PDE4D: variants seen among roughly 807,000 people sequenced by gnomAD.
PDE4D encodes 3',5'-cyclic-AMP phosphodiesterase 4D.
PDE4D carries 24 observed loss-of-function variants against 87.4 expected under a neutral mutation model. The ratio of observed to expected loss-of-function variants is 0.27; its 90% CI spans 0.20 to 0.39. The LOEUF is 0.39. Among genes scored for constraint, PDE4D ranks in the 10% least tolerant of loss-of-function variants. The pLI is 1.00. For synonymous variants in PDE4D, 384 were observed against 383.2 expected, an observed-to-expected ratio of 1.00 and a Z score of -0.02; for missense variants, 714 against 1,041.0, an observed-to-expected ratio of 0.69 and a Z score of 4.32.
Position 58,993,306 on chromosome 5 carries a change from C to G in PDE4D, c.1015+66G>C, listed in dbSNP as rs1052248885. On this transcript the variant is annotated intron_variant, in intron 7 of 14. Coordinates refer to ENST00000340635, the MANE Select transcript of PDE4D (RefSeq NM_001104631.2). The stretch of plus-strand genomic sequence containing the variant: ...TTCCAAAATGAGTTGGCACCCCAAT[C>G]CTCCTACAAAAACAAACAAGCAAAC... 6 of 884,856 alleles carry G rather than the reference C, an allele frequency of 6.8e-6. No individual in the cohort carries two copies. In the Admixed American group the frequency reaches 1.3e-4, roughly 20 times the overall value. The allele number at this position is 884,856 out of a possible 1,614,324, so 54.8% of individuals were successfully genotyped here. A position where few individuals can be genotyped will look rare whatever the true frequency, so the allele number is the denominator to read the frequency against.
chr5:60,447,595 C>T (rs959504551), intron 1 of PDE4D, among the ~76,000 whole-genome samples: 10 of 151,618 alleles, frequency 6.6e-5, no homozygotes, highest in Admixed American at 1.3e-4. Context: ...GTGTGTTTAA[C>T]AAGGGAAGTT....
intron 5 of PDE4D, among the ~76,000 whole-genome samples, chr5:59,096,015 G>C (rs1580772901): frequency 6.6e-6 from 1 of 152,106 alleles, no homozygotes; most frequent in Admixed American, 6.6e-5. Flanking sequence ...TAGTTAAGCT[G>C]GTTACTGTGG....
chr5:59,137,516 G>A (rs1027834331), intron 5 of PDE4D, among the ~76,000 whole-genome samples: 1 of 149,878 alleles, frequency 6.7e-6, no homozygotes, highest in South Asian at 2.1e-4. Context: ...ATTTTAAGAG[G>A]GAAAGTTTCT....
At chr5:60,278,812 G>A (rs1390078630) in intron 1 of PDE4D, among the ~76,000 whole-genome samples, 1 of 151,862 alleles carries the variant, frequency 6.6e-6, no homozygotes, top group Non-Finnish European at 1.5e-5. Flanking sequence ...CATTCTAAAG[G>A]TGTTCAGATT....
At chr5:59,469,926 A>G (rs1802190699) in intron 1 of PDE4D, among the ~76,000 whole-genome samples, 1 of 152,148 alleles carries the variant, frequency 6.6e-6, no homozygotes, top group Non-Finnish European at 1.5e-5. Flanking sequence ...AAGAAGCACA[A>G]AAAGGCATTG....
chr5:59,214,932 T>A (rs1358483089), intron 2 of PDE4D, among the ~76,000 whole-genome samples: 1 of 152,144 alleles, frequency 6.6e-6, no homozygotes, highest in Non-Finnish European at 1.5e-5. Context: ...TTGCAGCCTG[T>A]TATGAGTTTT....
rs553549942 is a variant in PDE4D, at chr5:59,746,959, G to A, written c.455+146209C>T. 6.4e-4 allele frequency among the ~76,000 whole-genome samples: 97 copies of A among 152,132 alleles called. 2 individuals are homozygous for A. The South Asian group carries it at 7.1e-3, about 11-fold the overall frequency. Reference sequence around the variant, plus strand: ...TCCCCTCCTAATCCAGTTTTCTACTGACCTAAAGGTCTCTCCTCTCAGTCT... The same window carrying A: ...TCCCCTCCTAATCCAGTTTTCTACTAACCTAAAGGTCTCTCCTCTCAGTCT... On this transcript the variant is annotated intron_variant, in intron 1 of 14. Transcript: ENST00000340635.
chr5:59,552,581 A>G (rs1286750742), intron 1 of PDE4D, among the ~76,000 whole-genome samples: 1 of 152,212 alleles, frequency 6.6e-6, no homozygotes, highest in Non-Finnish European at 1.5e-5. Context: ...CACCATTGAA[A>G]TAAACACTAT....
intron 2 of PDE4D, among the ~76,000 whole-genome samples, chr5:60,067,270 G>A (rs904343085): frequency 1.3e-5 from 2 of 152,184 alleles, no homozygotes; most frequent in East Asian, 3.9e-4. Context: ...TGGTAGATGA[G>A]AACAGTAGGA....
intron 1 of PDE4D, chr5:60,431,097 C>A (rs1199806219): frequency 4.3e-6 from 1 of 234,516 alleles, no homozygotes; most frequent in South Asian, 4.3e-5. Flanking sequence ...CAGAGGGGCT[C>A]CTCACTTCCC....
chr5:59,023,652 T>C (rs80031435), intron 6 of PDE4D, among the ~76,000 whole-genome samples: 10,872 of 152,036 alleles, frequency 0.072, 449 homozygotes, highest in Non-Finnish European at 0.093. Context: ...TGAGAACTTG[T>C]CTCCAAAAAC....
intron 1 of PDE4D, among the ~76,000 whole-genome samples, chr5:60,292,440 C>T (rs775600675): frequency 6.6e-6 from 1 of 152,146 alleles, no homozygotes; most frequent in African/African-American, 2.4e-5. Flanking sequence ...TTCTTTTGTA[C>T]TTAGCTCTGC....
intron 1 of PDE4D, among the ~76,000 whole-genome samples, chr5:59,576,505 T>C (rs868502305): frequency 1.6e-4 from 25 of 152,274 alleles, no homozygotes; most frequent in Admixed American, 4.6e-4. Flanking sequence ...ATAATTTTTA[T>C]TTATCATTCT....
At chr5:59,299,357 A>C (rs1165596085) in intron 1 of PDE4D, among the ~76,000 whole-genome samples, 1 of 152,148 alleles carries the variant, frequency 6.6e-6, no homozygotes, top group African/African-American at 2.4e-5. Flanking sequence ...AACAATGGGG[A>C]CTGAGCTCCT....
At chr5:59,307,626 G>T (rs1321961769) in intron 1 of PDE4D, among the ~76,000 whole-genome samples, 1 of 151,020 alleles carries the variant, frequency 6.6e-6, no homozygotes, top group Non-Finnish European at 1.5e-5. Flanking sequence ...ACCATCACTG[G>T]CCATCAGAGA....
intron 1 of PDE4D, among the ~76,000 whole-genome samples, chr5:59,704,013 T>C (rs1056314019): frequency 6.6e-6 from 1 of 152,038 alleles, no homozygotes; most frequent in Non-Finnish European, 1.5e-5. Flanking sequence ...AGGGAGGCCA[T>C]GTTACACAAC....
chr5:60,105,794 T>C (rs992605225), intron 2 of PDE4D, among the ~76,000 whole-genome samples: 2 of 152,072 alleles, frequency 1.3e-5, no homozygotes, highest in African/African-American at 4.8e-5. Context: ...ATAAAATCCT[T>C]TACAGACAAG....
At chr5:59,854,665 G>A (rs1308214189) in intron 1 of PDE4D, among the ~76,000 whole-genome samples, 1 of 151,982 alleles carries the variant, frequency 6.6e-6, no homozygotes, top group African/African-American at 2.4e-5. Flanking sequence ...AATAATATGT[G>A]AGATTAGAAT....
chr5:59,969,046 A>G (rs1760405541), intron 3 of PDE4D, among the ~76,000 whole-genome samples: 1 of 146,754 alleles, frequency 6.8e-6, no homozygotes, highest in Non-Finnish European at 1.5e-5. Context: ...TTTCTTTAAT[A>G]TTTCTATTAT....
Sources: gnomAD v4.1 joint callset for allele counts (sites outside exome capture counted in the v4.1 genomes callset) on GRCh38, gnomAD v4.1.1 for gene constraint, MANE v1.5 for transcripts, NCBI Gene and HGNC (gene_info 2026-07-23, HGNC 2026-07-21) for gene names.